Variants in RHAG observed in about 807,000 individuals in gnomAD.
The protein encoded by RHAG is ammonium transporter Rh type A.
A neutral mutation model predicts 42.4 loss-of-function variants in RHAG; 25 were observed. The observed-to-expected ratio is 0.59, with a 90% confidence interval of 0.43 to 0.82. The LOEUF is 0.82. RHAG is among the 40% of genes least tolerant of loss of function. The probability of loss-of-function intolerance (pLI) is 0.00; values close to 1 mark genes in which losing one functional copy is unlikely to be tolerated. For synonymous variants in RHAG, 182 were observed against 177.7 expected (o/e 1.02, Z -0.19); for missense variants, 483 against 504.6 (o/e 0.96, Z 0.41).
intron 1 of RHAG, among the ~76,000 whole-genome samples, chr6:49,621,480 C>T (rs147756309): frequency 2.6e-3 from 401 of 152,270 alleles, no homozygotes; most frequent in African/African-American, 9.2e-3. Context: ...CAAATTCTTT[C>T]CCTCAGGTGT....
intron 1 of RHAG, among the ~76,000 whole-genome samples, chr6:49,633,937 G>A (rs1350382947): frequency 6.6e-6 from 1 of 152,002 alleles, no homozygotes; most frequent in Admixed American, 6.6e-5. Context: ...TAAACTTCCT[G>A]AGGACATGGA....
At chr6:49,632,571 T>C (rs1029770182) in intron 1 of RHAG, among the ~76,000 whole-genome samples, 3 of 152,194 alleles carry the variant, frequency 2.0e-5, no homozygotes, top group Non-Finnish European at 4.4e-5. Context: ...TGTCAACATT[T>C]GGAAGACCTG....
chr6:49,628,658 G>A (rs144002195), intron 1 of RHAG, among the ~76,000 whole-genome samples: 6,479 of 149,970 alleles, frequency 0.043, 454 homozygotes, highest in African/African-American at 0.15. Flanking sequence ...GGAGTTGTTC[G>A]TTCCTCCTGG....
intron 1 of RHAG, among the ~76,000 whole-genome samples, chr6:49,636,188 A>G (rs1053272362): frequency 6.6e-6 from 1 of 152,136 alleles, no homozygotes; most frequent in East Asian, 1.9e-4. Flanking sequence ...TTAAAACTCC[A>G]TTAACTTCCT....
chr6:49,635,000 CG>C (rs1562021969), intron 1 of RHAG, among the ~76,000 whole-genome samples: 1 of 124,432 alleles, frequency 8.0e-6, no homozygotes, highest in East Asian at 2.2e-4. Context: ...CTGTGTGTGT[CG>C]GGGGGGTGGG....
Position 49,615,678 on chromosome 6 carries a change from T to G in RHAG, c.586A>C (p.Lys196Gln). 3.1e-6 allele frequency: 5 copies of G among 1,614,132 alleles called. No individual in the cohort carries two copies. Among genetic ancestry groups the G allele is most frequent in the Non-Finnish European group, 4.2e-6 (5 of 1,180,028 alleles). Residue 196 changes from lysine to glutamine, a missense_variant, in exon 4 of 10, where the codon AAG becomes CAG. Lys to Gln is a moderately conservative substitution (Grantham distance 53). Transcript: ENST00000371175. ...AGILYRSGLR[K>Q]GHENEESAYY... is the part of the protein sequence containing the mutation. ...GCGGACTCTTCATTTTCATGCCCCTTTCTCAGTCCAGATCGATACAAGATG... is the reference window on the plus strand; with the variant it reads ...GCGGACTCTTCATTTTCATGCCCCTGTCTCAGTCCAGATCGATACAAGATG...
intron 1 of RHAG, among the ~76,000 whole-genome samples, chr6:49,624,731 A>G (rs1762816630): frequency 6.6e-6 from 1 of 152,228 alleles, no homozygotes; most frequent in Non-Finnish European, 1.5e-5. Context: ...CATGTGAAAT[A>G]TATCCAGAAT....
In RHAG at chr6:49,623,783, T is replaced by G. The variant is rs138773063; in HGVS notation, c.158-4421A>C. Among the ~76,000 whole-genome samples, 27 of 152,314 alleles carry G rather than the reference T, an allele frequency of 1.8e-4. 1 individual carries two copies. Among genetic ancestry groups the G allele is most frequent in the African/African-American group, 6.0e-4 (25 of 41,570 alleles). Reference sequence around the variant, plus strand: ...GGGTGCTGCTGTGGAGAAACCCTCATCTAAATCAACTATGCTTTTAAGGAT... The same window carrying G: ...GGGTGCTGCTGTGGAGAAACCCTCAGCTAAATCAACTATGCTTTTAAGGAT... On this transcript the variant is annotated intron_variant, in intron 1 of 9. Coordinates refer to ENST00000371175, the MANE Select transcript of RHAG (RefSeq NM_000324.3).
intron 2 of RHAG, 133 bp from the exon 3 acceptor site, chr6:49,618,351 T>A (rs1022679749): frequency 6.8e-6 from 6 of 883,222 alleles, no homozygotes; most frequent in African/African-American, 3.3e-5. Flanking sequence ...TCCTTATTCC[T>A]CCTCTTTTTG....
Position 49,614,915 on chromosome 6 carries a change from G to A in RHAG, c.641-62C>T, listed in dbSNP as rs906523512. ...TATGGAAGACAGTCCAGAGGATGCA[G>A]TTTGCTTTATTTATTTATTTACTTA... is the stretch of plus-strand genomic sequence containing the variant. On this transcript the variant is annotated intron_variant, in intron 4 of 9. Coordinates refer to ENST00000371175, the MANE Select transcript of RHAG (RefSeq NM_000324.3). 6.9e-6 allele frequency: 10 copies of A among 1,441,902 alleles called. No homozygotes were observed. In the South Asian group the frequency reaches 1.0e-4, roughly 15 times the overall value. The allele number at this position is 1,441,902 out of a possible 1,614,324, so 89.3% of individuals were successfully genotyped here.
At chr6:49,609,147 G>T in intron 7 of RHAG, among the ~76,000 whole-genome samples, 1 of 152,120 alleles carries the variant, frequency 6.6e-6, no homozygotes, top group South Asian at 2.1e-4. Flanking sequence ...AAGTAGTTTG[G>T]TTCTCAGGCA....
intron 7 of RHAG, among the ~76,000 whole-genome samples, chr6:49,610,317 C>T (rs1318770228): frequency 1.3e-5 from 2 of 152,210 alleles, no homozygotes; most frequent in African/African-American, 2.4e-5. Context: ...AGCTTTTTCA[C>T]ATGGATGACA....
intron 3 of RHAG, among the ~76,000 whole-genome samples, chr6:49,617,569 C>T (rs1581942306): frequency 2.0e-5 from 3 of 152,230 alleles, no homozygotes; most frequent in East Asian, 3.9e-4. Context: ...TAACAAAGTA[C>T]TAGAATGCCC....
At position 49,605,205 on chromosome 6, in the gene RHAG, A is replaced by T. The variant is rs1241670089; in HGVS notation, c.*608T>A. On this transcript the variant is annotated 3_prime_UTR_variant, in exon 10 of 10. Transcript: ENST00000371175. ...TTTTATAACAATATTTAATTATTGG[A>T]CATTTTATGCAAAATAGACTTTGAT... The T allele has an allele frequency of 6.5e-6, 1 of 154,952 alleles. No individual in the cohort carries two copies. Among genetic ancestry groups the T allele is most frequent in the Non-Finnish European group, 1.4e-5 (1 of 69,670 alleles). 9.6% of individuals were successfully genotyped at this position (154,952 alleles called of 1,614,324 possible). A position where few individuals can be genotyped will look rare whatever the true frequency, so the allele number is the denominator to read the frequency against.
At chr6:49,619,753 T>G (rs1050052034) in intron 1 of RHAG, among the ~76,000 whole-genome samples, 1 of 152,218 alleles carries the variant, frequency 6.6e-6, no homozygotes, top group Non-Finnish European at 1.5e-5. Flanking sequence ...TTTACATAGC[T>G]TTGTGTATAT....
Position 49,605,801 on chromosome 6 carries a change from C to G in RHAG, c.*12G>C. The G allele has an allele frequency of 1.9e-6, 3 of 1,612,642 alleles. No individual in the cohort carries two copies. The highest frequency in any genetic ancestry group is 2.5e-6 in the Non-Finnish European group (3 of 1,178,794). ...GGCTGTGGTCACCATGTCCATGGAA[C>G]TGATTGTCAAGTTATCTCGTCTTAG... On this transcript the variant is annotated 3_prime_UTR_variant, in exon 10 of 10. Coordinates refer to ENST00000371175, the MANE Select transcript of RHAG (RefSeq NM_000324.3).
chr6:49,622,268 G>A (rs184124573), intron 1 of RHAG, among the ~76,000 whole-genome samples: 77 of 149,486 alleles, frequency 5.2e-4, no homozygotes, highest in Non-Finnish European at 1.3e-4. Flanking sequence ...TCAGGCTGGA[G>A]TGCAGTGGTG....
chr6:49,624,428 C>A (rs1009966242), intron 1 of RHAG, among the ~76,000 whole-genome samples: 1 of 152,210 alleles, frequency 6.6e-6, no homozygotes, highest in African/African-American at 2.4e-5. Context: ...TGGTCTCGAA[C>A]TCCTGACCTC....
At chr6:49,634,042 C>T (rs747059055) in intron 1 of RHAG, among the ~76,000 whole-genome samples, 4 of 151,880 alleles carry the variant, frequency 2.6e-5, no homozygotes, top group Non-Finnish European at 4.4e-5. Context: ...GATGGTATTT[C>T]GATAAATGCA....
Sources: allele counts gnomAD v4.1 joint callset (sites outside exome capture counted in the v4.1 genomes callset), GRCh38; gene constraint gnomAD v4.1.1; transcripts MANE v1.5; gene names NCBI Gene and HGNC (gene_info 2026-07-23, HGNC 2026-07-21).